CYP4F3: variants seen among roughly 807,000 people sequenced by gnomAD.
CYP4F3 encodes the protein cytochrome P450 family 4 subfamily F member 3.
CYP4F3 carries 50 observed loss-of-function variants against 54.8 expected under a neutral mutation model. The ratio of observed to expected loss-of-function variants is 0.91; its 90% CI spans 0.73 to 1.16. The LOEUF (loss-of-function observed/expected upper bound fraction) is 1.16, where lower values mean the gene tolerates loss of function less well. Among genes scored for constraint, CYP4F3 ranks in the 50% most tolerant of loss-of-function variants. The pLI is 0.00. For missense variants in CYP4F3, 715 were observed against 676.2 expected, an observed-to-expected ratio of 1.06 and a Z score of -0.64; for synonymous variants, 244 against 262.6, an observed-to-expected ratio of 0.93 and a Z score of 0.69.
At chr19:15,643,397 TATAGGTAA>T (rs1479776332) in intron 2 of CYP4F3, among the ~76,000 whole-genome samples, 106 of 141,166 alleles carry the variant, frequency 7.5e-4, no homozygotes, top group Middle Eastern at 3.5e-3. Context: ...TAGAGATATA[TATAGGTAA>T]ATAGATAGAT....
chr19:15,662,541 ATG>A lies in CYP4F3; in HGVS notation c.*3158_*3159del, dbSNP rs2144687545. ...GCTATTCTGCTTCCTTTGTGTTTCT[ATG>A]TAAATTTTATCATCAGTGTGTCTAT... On this transcript the variant is annotated 3_prime_UTR_variant, in exon 13 of 13. Transcript: ENST00000221307. 1 of 152,072 alleles carries A rather than the reference ATG, an allele frequency of 6.6e-6. No individual in the cohort carries two copies. The highest frequency in any genetic ancestry group is 1.9e-4 in the East Asian group (1 of 5,178). The allele number at this position is 152,072 out of a possible 1,614,324, so 9.4% of individuals were successfully genotyped here.
At chr19:15,650,905 C>T (rs1972835477) in intron 7 of CYP4F3, among the ~76,000 whole-genome samples, 1 of 137,448 alleles carries the variant, frequency 7.3e-6, no homozygotes, top group South Asian at 2.4e-4. Flanking sequence ...GACGGAGTCT[C>T]GCTCTATCAC....
chr19:15,650,016 C>A lies in CYP4F3; in HGVS notation c.751C>A (p.Pro251Thr). Residue 251 changes from proline to threonine, a missense_variant, in exon 7 of 13, where the codon CCT becomes ACT. By Grantham distance (38) the Pro-to-Thr change is conservative. Coordinates refer to ENST00000221307, the MANE Select transcript of CYP4F3 (RefSeq NM_000896.3). ...CATAGACTTCCTGTATTATCTCACC[C>A]CTGATGGGCAGCGTTTCCGCAGGGC... ...LYIDFLYYLT[P>T]DGQRFRRACR... 6.2e-7 allele frequency: 1 copy of A among 1,614,206 alleles called. No homozygotes were observed. The highest frequency in any genetic ancestry group is 8.5e-7 in the Non-Finnish European group (1 of 1,180,038).
intron 9 of CYP4F3, among the ~76,000 whole-genome samples, chr19:15,656,691 TCTAC>T (rs576933804): frequency 2.2e-3 from 330 of 152,146 alleles, no homozygotes; most frequent in African/African-American, 7.1e-3. Flanking sequence ...TACTTATTTA[TCTAC>T]CTATTATCTA....
intron 7 of CYP4F3, among the ~76,000 whole-genome samples, chr19:15,650,822 CTT>C (rs1167319425): frequency 4.4e-4 from 23 of 52,700 alleles, no homozygotes; most frequent in African/African-American, 2.3e-3. Context: ...TTCTTTCTTT[CTT>C]TCTTTCTTTC....
chr19:15,645,580 C>T, intron 2 of CYP4F3, 139 bp from the exon 3 acceptor site: 1 of 1,129,826 alleles, frequency 8.9e-7, no homozygotes. Context: ...AGGAGGAAGC[C>T]CAGTGGGGGC....
chr19:15,645,945 G>A (rs1972613411), intron 3 of CYP4F3, 82 bp downstream of exon 3: 1 of 1,465,582 alleles, frequency 6.8e-7, no homozygotes, highest in Non-Finnish European at 9.1e-7. Flanking sequence ...GCTGCCTCCA[G>A]CGGGTCGCGT....
intron 9 of CYP4F3, among the ~76,000 whole-genome samples, chr19:15,656,382 A>G (rs1469520156): frequency 6.6e-6 from 1 of 152,200 alleles, no homozygotes; most frequent in Non-Finnish European, 1.5e-5. Context: ...GACATTACAG[A>G]TAAGACTAGG....
intron 2 of CYP4F3, chr19:15,643,788 T>A (rs1972544202): frequency 2.4e-6 from 3 of 1,250,688 alleles, no homozygotes; most frequent in Non-Finnish European, 3.1e-6. Context: ...TGAATGCCAG[T>A]CTCTTCTGGA....
intron 9 of CYP4F3, among the ~76,000 whole-genome samples, chr19:15,656,578 A>G (rs1159607242): frequency 2.0e-5 from 3 of 148,032 alleles, no homozygotes; most frequent in Admixed American, 6.8e-5. Flanking sequence ...CTATCAATGT[A>G]TCTATCATCT....
intron 11 of CYP4F3, 85 bp downstream of exon 11, chr19:15,658,640 C>A: frequency 6.2e-7 from 1 of 1,607,214 alleles, no homozygotes; most frequent in Non-Finnish European, 8.5e-7. Flanking sequence ...TCCAACATCA[C>A]CTCCCTCCAA....
chr19:15,650,811 TTTC>T (rs1432842775), intron 7 of CYP4F3, among the ~76,000 whole-genome samples: 2 of 24,702 alleles, frequency 8.1e-5, no homozygotes, highest in Non-Finnish European at 7.1e-5. Context: ...CTCTCTTCTC[TTTC>T]TTTCTTTCTT....
Position 15,658,609 on chromosome 19 carries a change from G to A in CYP4F3, c.1314+54G>A. 6 of 1,611,522 alleles carry A rather than the reference G, an allele frequency of 3.7e-6. No individual in the cohort carries two copies. In the Admixed American group the frequency reaches 6.7e-5, roughly 18 times the overall value. Reference sequence around the variant, plus strand: ...CATTCCAAGGCTCCTAGAGGAGGGGGCAGGGTTTTGATCAGGAGAATCCAA... The same window carrying A: ...CATTCCAAGGCTCCTAGAGGAGGGGACAGGGTTTTGATCAGGAGAATCCAA... On this transcript the variant is annotated intron_variant, in intron 11 of 12. Coordinates refer to ENST00000221307, the MANE Select transcript of CYP4F3 (RefSeq NM_000896.3).
chr19:15,643,313 AT>A (rs1363209603), intron 2 of CYP4F3, among the ~76,000 whole-genome samples: 1 of 133,414 alleles, frequency 7.5e-6, no homozygotes, highest in Non-Finnish European at 1.7e-5. Context: ...AGATAGATAG[AT>A]TAGATAGATA....
At chr19:15,645,497 G>A (rs570158645) in intron 2 of CYP4F3, among the ~76,000 whole-genome samples, 2 of 152,334 alleles carry the variant, frequency 1.3e-5, no homozygotes, top group South Asian at 2.1e-4. Context: ...AACATGGTGT[G>A]TGGATCCACA....
chr19:15,658,531 C>T lies in CYP4F3; in HGVS notation c.1290C>T (p.Asn430=). ...TCAGTGTTTTTGGAACCCATCACAA[C>T]CCAGCCGTGTGGCCGGACCCTGAGG... The part of the protein sequence containing the change: ...CLISVFGTHH[N]PAVWPDPEVY... The change falls in exon 11 of 13, where the codon AAC becomes AAT. Residue 430 remains asparagine, a synonymous_variant. Transcript: ENST00000221307. 6.2e-7 allele frequency: 1 copy of T among 1,614,210 alleles called. No homozygotes were observed. Among genetic ancestry groups the T allele is most frequent in the Admixed American group, 1.7e-5 (1 of 60,024 alleles).
At chr19:15,647,153 G>C (rs779806318) in intron 4 of CYP4F3, 44 bp from the exon 5 acceptor site, 1 of 1,613,926 alleles carries the variant, frequency 6.2e-7, no homozygotes. Flanking sequence ...GGGGGGCCAG[G>C]GGAGGGAGAT....
In CYP4F3 at chr19:15,645,770, T is replaced by G. The variant is rs555872092; in HGVS notation, c.250T>G (p.Phe84Val). 2.5e-6 allele frequency: 4 copies of G among 1,614,120 alleles called. No individual in the cohort carries two copies. Among genetic ancestry groups the G allele is most frequent in the Non-Finnish European group, 3.4e-6 (4 of 1,179,954 alleles). ...LLYTQSLACTFGDMCCWWVGP... is the reference protein window; with the variant it reads ...LLYTQSLACTVGDMCCWWVGP... Reference sequence around the variant, plus strand: ...ATACACACAAAGCCTGGCATGCACCTTCGGTGATATGTGCTGCTGGTGGGT... The same window carrying G: ...ATACACACAAAGCCTGGCATGCACCGTCGGTGATATGTGCTGCTGGTGGGT... The change falls in exon 3 of 13, where the codon TTC (phenylalanine) becomes GTC (valine). Residue 84 changes from phenylalanine (F) to valine (V), a missense_variant. Transcript: ENST00000221307.
intron 7 of CYP4F3, among the ~76,000 whole-genome samples, chr19:15,651,224 T>G (rs1320204709): frequency 7.3e-6 from 1 of 137,456 alleles, no homozygotes; most frequent in Non-Finnish European, 1.6e-5. Context: ...ATATCTATAT[T>G]TTCGTTCTTG....
Sources: gnomAD v4.1 joint callset for allele counts (sites outside exome capture counted in the v4.1 genomes callset) on GRCh38, gnomAD v4.1.1 for gene constraint, MANE v1.5 for transcripts, NCBI Gene and HGNC (gene_info 2026-07-23, HGNC 2026-07-21) for gene names.